Variants in RASGRP4 observed in about 807,000 individuals in gnomAD.
The protein encoded by RASGRP4 is RAS guanyl releasing protein 4.
RASGRP4 carries 52 observed loss-of-function variants against 84.4 expected under a neutral mutation model. That is an observed-to-expected ratio of 0.62 (90% confidence interval 0.49 to 0.78). The LOEUF (loss-of-function observed/expected upper bound fraction) is 0.78. RASGRP4 is among the 30% of genes least tolerant of loss of function. The pLI, the probability that RASGRP4 is intolerant of heterozygous loss-of-function variation, is 0.00. For synonymous variants in RASGRP4, 356 were observed against 359.1 expected, an observed-to-expected ratio of 0.99 and a Z score of 0.10; for missense variants, 760 against 886.9, an observed-to-expected ratio of 0.86 and a Z score of 1.82.
Position 38,409,923 on chromosome 19 carries a change from G to A in RASGRP4, c.*117C>T. ...ACGGACGTACCACTAAAGGCAGTGT[G>A]GATGGGAAGGCGGATGCCTCTGGAG... On this transcript the variant is annotated 3_prime_UTR_variant, in exon 17 of 17. Coordinates refer to ENST00000615439, the MANE Select transcript of RASGRP4 (RefSeq NM_170604.3). 1.4e-6 allele frequency: 1 copy of A among 699,104 alleles called. No individual in the cohort carries two copies. Among genetic ancestry groups the A allele is most frequent in the Non-Finnish European group, 2.4e-6 (1 of 408,968 alleles). 43.3% of individuals were successfully genotyped at this position (699,104 alleles called of 1,614,324 possible). A position where few individuals can be genotyped will look rare whatever the true frequency, so the allele number is the denominator to read the frequency against.
Position 38,411,354 on chromosome 19 carries a change from G to C in RASGRP4, c.1708C>G (p.Arg570Gly). 6.3e-7 allele frequency: 1 copy of C among 1,596,572 alleles called. No individual in the cohort carries two copies. The highest frequency in any genetic ancestry group is 1.1e-5 in the South Asian group (1 of 88,550). The change falls in exon 14 of 17, where the codon CGC (arginine) becomes GGC (glycine). Residue 570 changes from arginine to glycine, a missense_variant. Coordinates refer to ENST00000615439, the MANE Select transcript of RASGRP4 (RefSeq NM_170604.3). ...FLWGVTKQGYRCRECGLCCHK... is the reference protein window; with the variant it reads ...FLWGVTKQGYGCRECGLCCHK... ...CTGACACCCCACTCACCCCGACAGC[G>C]GTAGCCTTGCTTGGTGACACCCCAG...
rs377693059 is a variant in RASGRP4, at chr19:38,418,505, C to T, written c.723G>A (p.Glu241=). 3.2e-6 allele frequency: 5 copies of T among 1,559,970 alleles called. No individual in the cohort carries two copies. Among genetic ancestry groups the T allele is most frequent in the Non-Finnish European group, 4.3e-6 (5 of 1,152,616 alleles). The change falls in exon 7 of 17, where the codon GAG becomes GAA. Residue 241 remains glutamate, a synonymous_variant. Transcript: ENST00000615439. This position sits in a 1 kb window ranked among gnomAD's most constrained non-coding sequence, Gnocchi z 4.6. ...CGCTGTTGCTGAGACCTACGGAGCC[C>T]TCCAGGGCCGGGCAGCCTCGTACTG... ...QGSVRGCPAL[E]GSVGLSNSVS...
Position 38,418,275 on chromosome 19 carries a change from G to GC in RASGRP4, c.837+115dup, listed in dbSNP as rs1418651189. ...CCCAGGCTGTGGCCTCGGGGGCGGGGCCGGGAGATGCGTGACGTCACCGCC... is the reference window on the plus strand; with the variant it reads ...CCCAGGCTGTGGCCTCGGGGGCGGGGCCCGGGAGATGCGTGACGTCACCGCC... On this transcript the variant is annotated intron_variant, in intron 7 of 16. Coordinates refer to ENST00000615439, the MANE Select transcript of RASGRP4 (RefSeq NM_170604.3). This position sits in a 1 kb window ranked among gnomAD's most constrained non-coding sequence, Gnocchi z 4.6. The GC allele has an allele frequency of 1.9e-6, 2 of 1,080,226 alleles. No homozygotes were observed. Among genetic ancestry groups the GC allele is most frequent in the Non-Finnish European group, 1.3e-6 (1 of 742,332 alleles). The allele number at this position is 1,080,226 out of a possible 1,614,324, so 66.9% of individuals were successfully genotyped here.
intron 1 of RASGRP4, 87 bp downstream of exon 1, chr19:38,425,982 G>C: frequency 8.6e-7 from 1 of 1,165,054 alleles, no homozygotes; most frequent in Non-Finnish European, 1.1e-6. Context: ...CAGGAATCCT[G>C]CCACCCTGGC....
intron 13 of RASGRP4, chr19:38,411,726 T>A (rs1856137835): frequency 5.1e-6 from 1 of 198,002 alleles, no homozygotes; most frequent in Non-Finnish European, 1.0e-5. Flanking sequence ...TTGGAGATTA[T>A]CTCAAGTTTA....
At chr19:38,420,743 G>C (rs532836716) in intron 4 of RASGRP4, among the ~76,000 whole-genome samples, 165 bp downstream of exon 4, 3 of 151,962 alleles carry the variant, frequency 2.0e-5, no homozygotes, top group Non-Finnish European at 4.4e-5. Context: ...GAACTAAGAG[G>C]GTCTTAGGAA....
intron 8 of RASGRP4, 62 bp from the exon 9 acceptor site, chr19:38,415,185 C>T: frequency 2.1e-6 from 3 of 1,451,880 alleles, no homozygotes; most frequent in Non-Finnish European, 2.8e-6. Flanking sequence ...TGAGCAGCCT[C>T]CTGTGTGGGC....
At chr19:38,411,298 AGCCTGCGG>A (rs1971246097) in intron 14 of RASGRP4, 39 bp downstream of exon 14, 1 of 1,612,184 alleles carries the variant, frequency 6.2e-7, no homozygotes, top group South Asian at 1.1e-5. Context: ...CCATTCTTCC[AGCCTGCGG>A]GCCAAGGCTT....
chr19:38,410,414 C>CT (rs1001083743), intron 16 of RASGRP4, among the ~76,000 whole-genome samples: 2,245 of 136,012 alleles, frequency 0.017, 36 homozygotes, highest in African/African-American at 0.037. Flanking sequence ...TTCTATTTTT[C>CT]TTTTTTTTTT....
In RASGRP4 at chr19:38,414,872, A is replaced by G; in HGVS notation, c.1206T>C (p.Asn402=). Residue 402 remains asparagine (N), a synonymous_variant, in exon 9 of 17, where the codon AAT becomes AAC. Coordinates refer to ENST00000615439, the MANE Select transcript of RASGRP4 (RefSeq NM_170604.3). ...LQGQHPPCSA[N]EDLLHLLTLS... is the part of the protein sequence containing the mutation. ...CCGTGAGCAGGTGCAGCAGATCCTC[A>G]TTGGCGCTGCAGGGTGGATGCTGCC... 4 of 1,600,282 alleles carry G rather than the reference A, an allele frequency of 2.5e-6. No individual in the cohort carries two copies. The highest frequency in any genetic ancestry group is 1.7e-6 in the Non-Finnish European group (2 of 1,173,918).
In RASGRP4 at chr19:38,418,442, G is replaced by C. The variant is rs566942336; in HGVS notation, c.786C>G (p.Pro262=). 3 of 1,603,126 alleles carry C rather than the reference G, an allele frequency of 1.9e-6. No homozygotes were observed. The East Asian group carries it at 6.8e-5, about 36-fold the overall frequency. The change falls in exon 7 of 17, where the codon CCC becomes CCG. Residue 262 remains proline, a synonymous_variant. Coordinates refer to ENST00000615439, the MANE Select transcript of RASGRP4 (RefSeq NM_170604.3). The surrounding 1 kb of genome is among the most constrained non-coding windows in gnomAD (Gnocchi z 4.6). Reference sequence around the variant, plus strand: ...GCACCTGTGCACGCTGTAGGGGCCCGGGACGGCTCAGCACCATCACCTGCA... The same window carrying C: ...GCACCTGTGCACGCTGTAGGGGCCCCGGACGGCTCAGCACCATCACCTGCA... ...RWVQVMVLSR[P]GPLQRAQVLD... is the part of the protein sequence containing the mutation.
intron 1 of RASGRP4, among the ~76,000 whole-genome samples, chr19:38,422,749 T>G (rs1052674152): frequency 1.3e-5 from 2 of 151,960 alleles, no homozygotes; most frequent in East Asian, 3.9e-4. Flanking sequence ...GATTCTCCAT[T>G]ATGGTGAGCT....
Position 38,419,995 on chromosome 19 carries a change from A to G in RASGRP4, c.528T>C (p.Pro176=), listed in dbSNP as rs1346507361. 1 of 1,613,680 alleles carries G rather than the reference A, an allele frequency of 6.2e-7. No homozygotes were observed. The highest frequency in any genetic ancestry group is 1.1e-5 in the South Asian group (1 of 91,070). ...DSSDLLSPGG[P]GPPLPMSSPG... is the part of the protein sequence containing the mutation. ...GGCTGCTCATTGGGAGTGGGGGGCC[A>G]GGGCCACCAGGGCTCAGGCTGGGGG... The change falls in exon 6 of 17, where the codon CCT becomes CCC. Residue 176 remains proline (P), a synonymous_variant. Coordinates refer to ENST00000615439, the MANE Select transcript of RASGRP4 (RefSeq NM_170604.3).
At position 38,418,641 on chromosome 19, in the gene RASGRP4, G is replaced by T; in HGVS notation, c.664-77C>A. On this transcript the variant is annotated intron_variant, in intron 6 of 16. Transcript: ENST00000615439. This position sits in a 1 kb window ranked among gnomAD's most constrained non-coding sequence, Gnocchi z 4.6. Reference sequence around the variant, plus strand: ...TCCATGGCATCCAACTAGCAGTCACGATCTCTGATGTCCTAGCCTGGTCTA... The same window carrying T: ...TCCATGGCATCCAACTAGCAGTCACTATCTCTGATGTCCTAGCCTGGTCTA... 1.5e-6 allele frequency: 2 copies of T among 1,331,068 alleles called. No individual in the cohort carries two copies. The highest frequency in any genetic ancestry group is 2.6e-5 in the East Asian group (1 of 38,784). 82.5% of individuals were successfully genotyped at this position (1,331,068 alleles called of 1,614,324 possible). A position where few individuals can be genotyped will look rare whatever the true frequency, so the allele number is the denominator to read the frequency against.
At position 38,415,089 on chromosome 19, in the gene RASGRP4, T is replaced by C. The variant is rs931987800; in HGVS notation, c.989A>G (p.His330Arg). The change falls in exon 9 of 17, where the codon CAC becomes CGC. Residue 330 changes from histidine to arginine, a missense_variant. By Grantham distance (29) the His-to-Arg change is conservative (BLOSUM62 0). Transcript: ENST00000615439. Reference protein sequence around the residue: ...LLELTELLASHNNYARYRRTW... With the variant: ...LLELTELLASRNNYARYRRTW... ...GCGGCGGTAGCGGGCGTAGTTGTTG[T>C]GGGAGGCAAGGAGCTCAGTGAGCTC... 1.2e-6 allele frequency: 2 copies of C among 1,600,274 alleles called. No individual in the cohort carries two copies. Among genetic ancestry groups the C allele is most frequent in the African/African-American group, 2.7e-5 (2 of 74,758 alleles).
rs186481701 is a variant in RASGRP4, at chr19:38,420,895, G to A, written c.377+13C>T. 5.7e-5 allele frequency: 92 copies of A among 1,612,950 alleles called. No individual in the cohort carries two copies. The East Asian group carries it at 1.6e-3, about 29-fold the overall frequency. ...CGTGGGTCCTGAGAGTGGGGATCTCGGCCCAGCCCTACCTGACCAGGTGAC... is the reference window on the plus strand; with the variant it reads ...CGTGGGTCCTGAGAGTGGGGATCTCAGCCCAGCCCTACCTGACCAGGTGAC... On this transcript the variant is annotated intron_variant, in intron 4 of 16. Transcript: ENST00000615439.
At chr19:38,420,080 A>G in intron 5 of RASGRP4, 51 bp downstream of exon 5, 3 of 1,607,030 alleles carry the variant, frequency 1.9e-6, no homozygotes, top group Non-Finnish European at 2.6e-6. Context: ...ATAGAGGGAG[A>G]TGGCAGAATG....
chr19:38,410,775 G>A, intron 16 of RASGRP4, 111 bp downstream of exon 16: 1 of 746,814 alleles, frequency 1.3e-6, no homozygotes, highest in Non-Finnish European at 2.3e-6. Flanking sequence ...AGCAGTCAAG[G>A]ACTTCTGCAT....
Position 38,412,990 on chromosome 19 carries a change from C to G in RASGRP4, c.1476G>C (p.Glu492Asp). The G allele has an allele frequency of 6.2e-7, 1 of 1,614,038 alleles. No individual in the cohort carries two copies. The highest frequency in any genetic ancestry group is 8.5e-7 in the Non-Finnish European group (1 of 1,179,896). The change falls in exon 12 of 17, where the codon GAG (glutamate) becomes GAC (aspartate). Residue 492 changes from glutamate to aspartate, a missense_variant. Glu to Asp is a conservative substitution (Grantham distance 45). Coordinates refer to ENST00000615439, the MANE Select transcript of RASGRP4 (RefSeq NM_170604.3). This position sits in a 1 kb window ranked among gnomAD's most constrained non-coding sequence, Gnocchi z 4.6. ...CGAAGGGAAAATTGCCCGAGAGTCGCTCAAAGTCCTCCTGAGAGATTGTTC... is the reference window on the plus strand; with the variant it reads ...CGAAGGGAAAATTGCCCGAGAGTCGGTCAAAGTCCTCCTGAGAGATTGTTC... The part of the protein sequence containing the change: ...GRGTISQEDF[E>D]RLSGNFPFAC...
Sources: allele counts gnomAD v4.1 joint callset (sites outside exome capture counted in the v4.1 genomes callset), GRCh38; gene constraint gnomAD v4.1.1; non-coding constraint Gnocchi (gnomAD v3.1); transcripts MANE v1.5; gene names NCBI Gene and HGNC (gene_info 2026-07-23, HGNC 2026-07-21).